The following ME2 variants were observed in gnomAD, a reference collection of about 807,000 sequenced individuals.
ME2 encodes the protein malic enzyme 2.
Under a neutral mutation model 73.7 loss-of-function variants are expected in ME2, and 60 were observed. That is an observed-to-expected ratio of 0.81 (90% CI 0.66 to 1.01). The LOEUF is 1.01. ME2 is among the 50% of genes least tolerant of loss of function. ME2 has a pLI of 0.00. For synonymous variants in ME2, 199 were observed against 236.9 expected (o/e 0.84, Z 1.47); for missense variants, 594 against 705.5 (o/e 0.84, Z 1.79).
chr18:50,930,080 C>T (rs58794223), intron 12 of ME2, among the ~76,000 whole-genome samples: 20,477 of 151,818 alleles, frequency 0.13, 2,021 homozygotes, highest in African/African-American at 0.28. Context: ...GGCAACGTAG[C>T]GAAACCCTGT....
At chr18:50,925,556 A>G (rs1917531516) in intron 11 of ME2, among the ~76,000 whole-genome samples, 200 bp from the exon 12 acceptor site, 1 of 152,164 alleles carries the variant, frequency 6.6e-6, no homozygotes, top group Admixed American at 6.5e-5. Flanking sequence ...TTAAGTGAGA[A>G]CTTTCAGCAT....
chr18:50,912,621 T>G (rs1190416839), intron 3 of ME2, among the ~76,000 whole-genome samples, 180 bp from the exon 4 acceptor site: 1 of 152,220 alleles, frequency 6.6e-6, no homozygotes. Context: ...CTCATATTTT[T>G]GTTAATTTTT....
At chr18:50,913,478 T>C (rs762848633) in intron 4 of ME2, among the ~76,000 whole-genome samples, 36 of 152,008 alleles carry the variant, frequency 2.4e-4, no homozygotes, top group Non-Finnish European at 4.7e-4. Context: ...GAATTACAGG[T>C]GCACGCCACC....
At chr18:50,923,436 G>A (rs933524277) in intron 10 of ME2, among the ~76,000 whole-genome samples, 4 of 152,070 alleles carry the variant, frequency 2.6e-5, no homozygotes, top group East Asian at 1.9e-4. Context: ...TTTGATATAC[G>A]CCATATTGTA....
chr18:50,915,890 TA>T (rs1917273002), intron 4 of ME2: 1 of 259,314 alleles, frequency 3.9e-6, no homozygotes, highest in Non-Finnish European at 7.2e-6. Context: ...CCTGGTGGTG[TA>T]TTGAGTTTAT....
At chr18:50,903,206 G>A (rs1193966262) in intron 2 of ME2, among the ~76,000 whole-genome samples, 2 of 152,038 alleles carry the variant, frequency 1.3e-5, no homozygotes, top group African/African-American at 2.4e-5. Context: ...AAACTAACCA[G>A]GCCATTCATT....
chr18:50,951,272 GAATT>G lies in ME2; in HGVS notation c.*4091_*4094del, dbSNP rs1270578706. The G allele has an allele frequency of 6.6e-6, 1 of 152,136 alleles. No individual in the cohort carries two copies. The highest frequency in any genetic ancestry group is 2.4e-5 in the African/African-American group (1 of 41,424). 9.4% of individuals were successfully genotyped at this position (152,136 alleles called of 1,614,324 possible). ...ACATTTTTGCAAATGAGTTGCCAAT[GAATT>G]AAGATCAAAACGTCATTATTAAGGA... On this transcript the variant is annotated 3_prime_UTR_variant, in exon 16 of 16. Transcript: ENST00000321341.
Position 50,908,153 on chromosome 18 carries a change from C to T in ME2, c.199C>T (p.Arg67Ter), listed in dbSNP as rs767872329. The T allele has an allele frequency of 3.3e-5, 53 of 1,604,716 alleles. No individual in the cohort carries two copies. Among genetic ancestry groups the T allele is most frequent in the Middle Eastern group, 3.3e-4 (2 of 6,038 alleles). Residue 67 changes from arginine to a stop codon, truncating the protein, a stop_gained, in exon 3 of 16, where the codon CGA becomes TGA. Coordinates refer to ENST00000321341, the MANE Select transcript of ME2 (RefSeq NM_002396.5). LOFTEE classifies it high-confidence loss of function. ...KIETQDIQAL[R>*]FHRNLKKMTS... ...AGAGACACAAGATATTCAAGCCTTACGATTTCATAGAAACTTGAAGAAAAT... is the reference window on the plus strand; with the variant it reads ...AGAGACACAAGATATTCAAGCCTTATGATTTCATAGAAACTTGAAGAAAAT...
chr18:50,900,148 G>A (rs966727189), intron 2 of ME2, among the ~76,000 whole-genome samples: 2 of 150,516 alleles, frequency 1.3e-5, no homozygotes. Context: ...TGTATTTACA[G>A]CCACTCCTCA....
Position 50,920,554 on chromosome 18 carries a change from A to C in ME2, c.833A>C (p.Asp278Ala). The C allele has an allele frequency of 6.3e-7, 1 of 1,588,114 alleles. No individual in the cohort carries two copies. Residue 278 changes from aspartate (D) to alanine (A), a missense_variant, in exon 8 of 16, where the codon GAT becomes GCT. By Grantham distance (126) the Asp-to-Ala change is moderately radical (BLOSUM62 -2). Transcript: ENST00000321341. ...KYREKYCTFNDDIQGTAAVAL... is the reference protein window; with the variant it reads ...KYREKYCTFNADIQGTAAVAL... The stretch of plus-strand genomic sequence containing the variant: ...CGAGAAAAATATTGTACTTTCAATG[A>C]TGATATTCAAGGTAAAGCAAAAAAA...
intron 1 of ME2, among the ~76,000 whole-genome samples, chr18:50,881,262 G>A (rs1916314153): frequency 6.6e-6 from 1 of 151,946 alleles, no homozygotes; most frequent in Non-Finnish European, 1.5e-5. Flanking sequence ...GTCTCGAACT[G>A]CTGACCTCAA....
chr18:50,919,045 C>G (rs1364489592), intron 7 of ME2, among the ~76,000 whole-genome samples: 2 of 115,824 alleles, frequency 1.7e-5, no homozygotes, highest in East Asian at 5.0e-4. Flanking sequence ...TTTGACTCTT[C>G]TGCCTTCTCC....
chr18:50,946,607 A>T (rs549484589), intron 15 of ME2, among the ~76,000 whole-genome samples: 1 of 152,062 alleles, frequency 6.6e-6, no homozygotes, highest in Non-Finnish European at 1.5e-5. Flanking sequence ...CTAAATCCTG[A>T]TTTATAATAA....
At chr18:50,937,230 A>T (rs997050078) in intron 13 of ME2, among the ~76,000 whole-genome samples, 1 of 152,056 alleles carries the variant, frequency 6.6e-6, no homozygotes, top group Non-Finnish European at 1.5e-5. Context: ...TTCTCTACTT[A>T]AAAAAATGCT....
At chr18:50,888,257 A>G (rs1359595856) in intron 1 of ME2, among the ~76,000 whole-genome samples, 1 of 151,542 alleles carries the variant, frequency 6.6e-6, no homozygotes, top group African/African-American at 2.4e-5. Flanking sequence ...AGGTGGGAGG[A>G]TTGCTTGAGC....
chr18:50,887,427 C>G (rs1179765026), intron 1 of ME2, among the ~76,000 whole-genome samples: 1 of 152,134 alleles, frequency 6.6e-6, no homozygotes, highest in South Asian at 2.1e-4. Context: ...TTATTGCTTG[C>G]CAGGAGACGG....
intron 1 of ME2, among the ~76,000 whole-genome samples, chr18:50,882,957 AAAAC>A (rs1303922665): frequency 6.6e-6 from 1 of 152,218 alleles, no homozygotes; most frequent in East Asian, 1.9e-4. Flanking sequence ...CTATCTCAAA[AAAAC>A]AAACAAAAAA....
rs753815512 is a variant in ME2 at position 50,940,307 on chromosome 18, C to G, written c.1508C>G (p.Thr503Arg). ...CTTCAGGCCCTGACAAGCCAATTGA[C>G]AGATGAAGAGCTAGCCCAAGGGAGA... ...EAAKALTSQL[T>R]DEELAQGRLY... is the part of the protein sequence containing the mutation. Residue 503 changes from threonine (T) to arginine (R), a missense_variant, in exon 15 of 16, where the codon ACA becomes AGA. Coordinates refer to ENST00000321341, the MANE Select transcript of ME2 (RefSeq NM_002396.5). 61 of 1,608,094 alleles carry G rather than the reference C, an allele frequency of 3.8e-5. No homozygotes were observed. The highest frequency in any genetic ancestry group is 4.7e-5 in the Non-Finnish European group (55 of 1,178,628).
At chr18:50,908,436 G>T (rs1917067271) in intron 3 of ME2, among the ~76,000 whole-genome samples, 1 of 152,106 alleles carries the variant, frequency 6.6e-6, no homozygotes. Context: ...GGTTTGAATG[G>T]AATATTAGAA....
Sources: gnomAD v4.1 joint callset for allele counts (sites outside exome capture counted in the v4.1 genomes callset) on GRCh38, gnomAD v4.1.1 for gene constraint, MANE v1.5 for transcripts, NCBI Gene and HGNC (gene_info 2026-07-23, HGNC 2026-07-21) for gene names.